COL14A1: variants seen among roughly 807,000 people sequenced by gnomAD.
COL14A1 encodes the protein collagen type XIV alpha 1 chain.
Under a neutral mutation model 230.3 loss-of-function variants are expected in COL14A1, and 136 were observed. That is an observed-to-expected ratio of 0.59 (90% CI 0.51 to 0.68). The LOEUF (loss-of-function observed/expected upper bound fraction) is 0.68. COL14A1 is among the 30% of genes least tolerant of loss of function. The pLI is 0.00. For synonymous variants in COL14A1, 792 were observed against 784.1 expected, an observed-to-expected ratio of 1.01 and a Z score of -0.17; for missense variants, 1,976 against 2,215.8, an observed-to-expected ratio of 0.89 and a Z score of 2.17.
Position 120,283,926 on chromosome 8 carries a change from G to A in COL14A1, c.3967+148G>A, listed in dbSNP as rs7839121. 334,119 of 552,476 alleles carry A rather than the reference G, an allele frequency of 0.6. 103,949 individuals are homozygous for A. Among genetic ancestry groups the A allele is most frequent in the African/African-American group, 0.84 (42,795 of 51,058 alleles). 34.2% of individuals were successfully genotyped at this position (552,476 alleles called of 1,614,324 possible). ...TAAACAATGAATTATATAGCAGTTG[G>A]TTTATCCATTTATTCTCTTATTCTT... is the stretch of plus-strand genomic sequence containing the variant. On this transcript the variant is annotated intron_variant, in intron 32 of 47. Coordinates refer to ENST00000297848, the MANE Select transcript of COL14A1 (RefSeq NM_021110.4).
At chr8:120,248,824 C>T (rs78783644) in intron 21 of COL14A1, among the ~76,000 whole-genome samples, 11,317 of 151,980 alleles carry the variant, frequency 0.074, 970 homozygotes, top group East Asian at 0.4. Context: ...CACTGCACTC[C>T]AGCCTGGGCA....
chr8:120,247,687 C>A lies in COL14A1; in HGVS notation c.2554C>A (p.Pro852Thr). Residue 852 changes from proline to threonine, a missense_variant, in exon 21 of 48, where the codon CCA becomes ACA. Pro to Thr is a conservative substitution (Grantham distance 38, BLOSUM62 -1). Coordinates refer to ENST00000297848, the MANE Select transcript of COL14A1 (RefSeq NM_021110.4). ...CCGGTTGCGCATTACGTGGGACCCC[C>A]CATCTTCCCCGGTGAAAGGCTATAG... The part of the protein sequence containing the change: ...YNRLRITWDP[P>T]SSPVKGYRIV... The A allele has an allele frequency of 6.2e-7, 1 of 1,614,084 alleles. No homozygotes were observed. Among genetic ancestry groups the A allele is most frequent in the Non-Finnish European group, 8.5e-7 (1 of 1,180,022 alleles).
rs191920672 is a variant in COL14A1, at chr8:120,314,077, A to G, written c.4551+50A>G. The G allele has an allele frequency of 7.6e-5, 101 of 1,321,042 alleles. No homozygotes were observed. The East Asian group carries it at 2.3e-3, about 31-fold the overall frequency. The allele number at this position is 1,321,042 out of a possible 1,614,324, so 81.8% of individuals were successfully genotyped here. On this transcript the variant is annotated intron_variant, in intron 38 of 47. Transcript: ENST00000297848. ...CGGGTTTTATTGTTATCTCTTTTCC[A>G]TGAGGTTACAAAGAATGAACTTTTG... is the stretch of plus-strand genomic sequence containing the variant.
At chr8:120,367,378 T>C (rs528016263) in intron 46 of COL14A1, 130 bp downstream of exon 46, 3 of 736,090 alleles carry the variant, frequency 4.1e-6, no homozygotes, top group South Asian at 4.2e-5. Context: ...ACTTGTTTTA[T>C]TGGGAGGCTT....
intron 42 of COL14A1, among the ~76,000 whole-genome samples, chr8:120,340,159 G>A (rs999693861): frequency 6.6e-6 from 1 of 151,610 alleles, no homozygotes; most frequent in African/African-American, 2.4e-5. Context: ...AGCAGGGCAA[G>A]GGAGGAGAGG....
rs1241635666 is a variant in COL14A1 at position 120,279,961 on chromosome 8, G to A, written c.3508G>A (p.Ala1170Thr). Reference protein sequence around the residue: ...DGYSIFAIGVADADYSELVSI... With the variant: ...DGYSIFAIGVTDADYSELVSI... ...CTATAGCATTTTTGCAATTGGTGTGGCCGATGCAGATTACTCGGAGTTGGT... is the reference window on the plus strand; with the variant it reads ...CTATAGCATTTTTGCAATTGGTGTGACCGATGCAGATTACTCGGAGTTGGT... Residue 1170 changes from alanine (A) to threonine (T), a missense_variant, in exon 29 of 48, where the codon GCC becomes ACC. Physicochemically the swap from Ala to Thr is moderately conservative, Grantham distance 58 (BLOSUM62 0). Coordinates refer to ENST00000297848, the MANE Select transcript of COL14A1 (RefSeq NM_021110.4). 1 of 1,613,662 alleles carries A rather than the reference G, an allele frequency of 6.2e-7. No individual in the cohort carries two copies. Among genetic ancestry groups the A allele is most frequent in the Admixed American group, 1.7e-5 (1 of 59,902 alleles).
intron 46 of COL14A1, among the ~76,000 whole-genome samples, chr8:120,368,166 T>TATG (rs1353703852): frequency 1.3e-5 from 2 of 152,304 alleles, no homozygotes; most frequent in African/African-American, 4.8e-5. Flanking sequence ...TTGTGTATTA[T>TATG]ATGCTTTTAG....
intron 23 of COL14A1, among the ~76,000 whole-genome samples, chr8:120,259,332 A>G (rs1819257612): frequency 6.6e-6 from 1 of 152,188 alleles, no homozygotes; most frequent in South Asian, 2.1e-4. Context: ...TTATACGTTT[A>G]TAATCTGGAG....
chr8:120,371,557 C>G lies in COL14A1; in HGVS notation c.*326C>G. On this transcript the variant is annotated 3_prime_UTR_variant, in exon 48 of 48. Coordinates refer to ENST00000297848, the MANE Select transcript of COL14A1 (RefSeq NM_021110.4). ...AACTCTGGAATCTTCTCTCTCAAGT[C>G]CTAAAATGAACAAACAGATATGATT... 2.5e-6 allele frequency: 1 copy of G among 398,202 alleles called. No individual in the cohort carries two copies. Among genetic ancestry groups the G allele is most frequent in the Non-Finnish European group, 4.4e-6 (1 of 225,886 alleles). The allele number at this position is 398,202 out of a possible 1,614,324, so 24.7% of individuals were successfully genotyped here.
intron 2 of COL14A1, among the ~76,000 whole-genome samples, chr8:120,157,494 A>G (rs901095421): frequency 6.6e-6 from 1 of 152,200 alleles, no homozygotes; most frequent in Admixed American, 6.5e-5. Flanking sequence ...TATCCTTGTA[A>G]CATAATGAAA....
intron 37 of COL14A1, among the ~76,000 whole-genome samples, chr8:120,313,537 G>A (rs1295010956): frequency 6.6e-6 from 1 of 152,160 alleles, no homozygotes; most frequent in Non-Finnish European, 1.5e-5. Context: ...GTTGACAGTA[G>A]CGAAGACAGA....
chr8:120,200,715 T>TTATATATATATATA (rs34177030), intron 8 of COL14A1, among the ~76,000 whole-genome samples: 6 of 85,740 alleles, frequency 7.0e-5, no homozygotes, highest in Admixed American at 1.1e-4. Flanking sequence ...GTTTTCCTAT[T>TTATATATATATATA]TATATATATA....
Position 120,206,984 on chromosome 8 carries a change from A to T in COL14A1, c.1081A>T (p.Thr361Ser). 6.2e-7 allele frequency: 1 copy of T among 1,613,318 alleles called. No individual in the cohort carries two copies. The highest frequency in any genetic ancestry group is 8.5e-7 in the Non-Finnish European group (1 of 1,179,746). ...CACTGGGCCGCCTACGGAGTTGATT[A>T]CTTCTGAAGTCACTGCCAGAAGCTT... ...AITGPPTELI[T>S]SEVTARSFMV... The change falls in exon 10 of 48, where the codon ACT becomes TCT. Residue 361 changes from threonine (T) to serine (S), a missense_variant. Physicochemically the swap from Thr to Ser is moderately conservative, Grantham distance 58 (BLOSUM62 1). Coordinates refer to ENST00000297848, the MANE Select transcript of COL14A1 (RefSeq NM_021110.4).
At chr8:120,209,027 C>G (rs1187916786) in intron 11 of COL14A1, among the ~76,000 whole-genome samples, 2 of 152,158 alleles carry the variant, frequency 1.3e-5, no homozygotes, top group African/African-American at 4.8e-5. Context: ...GTAAACAACA[C>G]TAATCACAAT....
At chr8:120,228,043 T>C (rs1818151336) in intron 17 of COL14A1, among the ~76,000 whole-genome samples, 1 of 152,148 alleles carries the variant, frequency 6.6e-6, no homozygotes, top group African/African-American at 2.4e-5. Context: ...AGTGCTGGGA[T>C]GACCCTTCTG....
intron 1 of COL14A1, among the ~76,000 whole-genome samples, chr8:120,130,597 G>A (rs569818344): frequency 1.1e-3 from 175 of 152,178 alleles, no homozygotes; most frequent in African/African-American, 4.0e-3. Context: ...GAAAGCCTAC[G>A]TGTACAAGGA....
At chr8:120,313,702 A>G (rs1821117503) in intron 37 of COL14A1, among the ~76,000 whole-genome samples, 5 of 152,194 alleles carry the variant, frequency 3.3e-5, no homozygotes, top group Admixed American at 3.3e-4. Context: ...AGTAGTAATG[A>G]TAAAAATAAA....
At chr8:120,219,923 T>G (rs1586777702) in intron 14 of COL14A1, among the ~76,000 whole-genome samples, 1 of 151,958 alleles carries the variant, frequency 6.6e-6, no homozygotes, top group African/African-American at 2.4e-5. Flanking sequence ...TTGAGAAAAT[T>G]TTGAGTAAAA....
At chr8:120,328,975 C>A (rs1821779137) in intron 40 of COL14A1, among the ~76,000 whole-genome samples, 1 of 152,110 alleles carries the variant, frequency 6.6e-6, no homozygotes, top group Non-Finnish European at 1.5e-5. Flanking sequence ...TGGGCTCACG[C>A]ATAGGTGCAT....
Sources: allele counts gnomAD v4.1 joint callset (sites outside exome capture counted in the v4.1 genomes callset), GRCh38; gene constraint gnomAD v4.1.1; transcripts MANE v1.5; gene names NCBI Gene and HGNC (gene_info 2026-07-23, HGNC 2026-07-21).